UBE2D2: variants seen among roughly 807,000 people sequenced by gnomAD.
The protein encoded by UBE2D2 is ubiquitin conjugating enzyme E2 D2, also known as ubiquitin-conjugating enzyme E2 D2.
Under a neutral mutation model 24.2 loss-of-function variants are expected in UBE2D2, and 2 were observed. The observed-to-expected ratio is 0.08, with a 90% confidence interval of 0.03 to 0.26. The LOEUF (loss-of-function observed/expected upper bound fraction) is 0.26. Among genes scored for constraint, UBE2D2 ranks in the 10% least tolerant of loss-of-function variants. The pLI, the probability that UBE2D2 is intolerant of heterozygous loss-of-function variation, is 1.00. For synonymous variants in UBE2D2, 58 were observed against 56.5 expected (o/e 1.03, Z -0.12); for missense variants, 44 against 177.6 (o/e 0.25, Z 4.28).
chr5:139,621,311 A>G (rs1376238404), intron 5 of UBE2D2, among the ~76,000 whole-genome samples: 2 of 152,196 alleles, frequency 1.3e-5, no homozygotes, highest in African/African-American at 4.8e-5. Flanking sequence ...GAACAAAGGA[A>G]ATTACACTAT....
intron 5 of UBE2D2, 41 bp downstream of exon 5, chr5:139,615,007 CTT>C: frequency 6.6e-7 from 1 of 1,520,842 alleles, no homozygotes. Context: ...GCAACCGTGT[CTT>C]TTGTCTTTTT....
At chr5:139,578,121 A>G (rs1273100940) in intron 1 of UBE2D2, among the ~76,000 whole-genome samples, 1 of 152,136 alleles carries the variant, frequency 6.6e-6, no homozygotes, top group Non-Finnish European at 1.5e-5. Flanking sequence ...TTGTGGACAT[A>G]GAGTGGGTAG....
At chr5:139,565,980 A>T (rs867889319) in intron 1 of UBE2D2, among the ~76,000 whole-genome samples, 9 of 151,906 alleles carry the variant, frequency 5.9e-5, no homozygotes, top group African/African-American at 1.9e-4. Flanking sequence ...AAACAAAGTA[A>T]TGCCAGGATT....
At chr5:139,559,921 G>A (rs551633702), upstream of UBE2D2, among the ~76,000 whole-genome samples, 11 of 152,236 alleles carry the variant, frequency 7.2e-5, no homozygotes, top group African/African-American at 2.6e-4. Context: ...GCTGGGCACA[G>A]GGTAGGTGCT....
At chr5:139,593,909 C>T (rs768824876) in intron 1 of UBE2D2, among the ~76,000 whole-genome samples, 2 of 152,184 alleles carry the variant, frequency 1.3e-5, no homozygotes, top group Non-Finnish European at 2.9e-5. Context: ...AGCCACCGTG[C>T]CTAGCCCTGA....
chr5:139,570,551 G>A (rs565139428), intron 1 of UBE2D2, among the ~76,000 whole-genome samples: 7 of 151,924 alleles, frequency 4.6e-5, no homozygotes, highest in African/African-American at 7.3e-5. Context: ...TAGCTCTGAC[G>A]CCCAGGCTGG....
Position 139,614,789 on chromosome 5 carries a change from T to A in UBE2D2, c.198+15T>A. The A allele has an allele frequency of 6.2e-7, 1 of 1,613,410 alleles. No individual in the cohort carries two copies. Among genetic ancestry groups the A allele is most frequent in the Non-Finnish European group, 8.5e-7 (1 of 1,179,502 alleles). On this transcript the variant is annotated intron_variant, in intron 4 of 6. Transcript: ENST00000398733. Reference sequence around the variant, plus strand: ...AACCACCTAAGGTAATTAATTGGAATGTGGCAGTTTTTAATGTACTTTCTA... The same window carrying A: ...AACCACCTAAGGTAATTAATTGGAAAGTGGCAGTTTTTAATGTACTTTCTA...
chr5:139,577,561 A>T (rs762305761), intron 1 of UBE2D2, among the ~76,000 whole-genome samples: 1 of 151,848 alleles, frequency 6.6e-6, no homozygotes, highest in Non-Finnish European at 1.5e-5. Context: ...TTACAGGTGC[A>T]TGCCACCACG....
intron 5 of UBE2D2, among the ~76,000 whole-genome samples, chr5:139,619,042 G>C (rs1331749810): frequency 6.6e-6 from 1 of 152,146 alleles, no homozygotes; most frequent in Non-Finnish European, 1.5e-5. Context: ...AGATAAGTGT[G>C]CCATAAAGCC....
intron 1 of UBE2D2, among the ~76,000 whole-genome samples, chr5:139,574,068 G>A (rs1363930870): frequency 9.9e-5 from 15 of 151,022 alleles, no homozygotes; most frequent in Admixed American, 9.9e-4. Flanking sequence ...AATAAGCTTC[G>A]ATTAAATAAC....
At chr5:139,578,731 A>C (rs1173879803) in intron 1 of UBE2D2, among the ~76,000 whole-genome samples, 1 of 152,028 alleles carries the variant, frequency 6.6e-6, no homozygotes, top group African/African-American at 2.4e-5. Flanking sequence ...GGAATTACAG[A>C]CAGCCACCCC....
In UBE2D2 at chr5:139,563,219, A is replaced by G. The variant is rs1011730224; in HGVS notation, c.24+1404A>G. Among the ~76,000 whole-genome samples the G allele has an allele frequency of 5.9e-5, 9 of 152,206 alleles. No individual in the cohort carries two copies. In the East Asian group the frequency reaches 1.7e-3, roughly 29 times the overall value. On this transcript the variant is annotated intron_variant, in intron 1 of 6. Coordinates refer to ENST00000398733, the MANE Select transcript of UBE2D2 (RefSeq NM_003339.3). Reference sequence around the variant, plus strand: ...TACAGATTGATGATTTAAACACCTCAGCTCAGCGGTTGGTCCTCATTTCAT... The same window carrying G: ...TACAGATTGATGATTTAAACACCTCGGCTCAGCGGTTGGTCCTCATTTCAT...
At chr5:139,540,213 C>T (rs1008844418) in intron 1 of UBE2D2, among the ~76,000 whole-genome samples, 1 of 152,062 alleles carries the variant, frequency 6.6e-6, no homozygotes, top group African/African-American at 2.4e-5. Flanking sequence ...GCCACCACGC[C>T]GGGCTATACT....
chr5:139,606,212 A>G (rs984699332), intron 2 of UBE2D2, among the ~76,000 whole-genome samples: 1 of 152,020 alleles, frequency 6.6e-6, no homozygotes, highest in Non-Finnish European at 1.5e-5. Flanking sequence ...CCCGGGCTGG[A>G]GTGCAGTGGC....
chr5:139,602,151 A>C (rs1368681077), intron 2 of UBE2D2, among the ~76,000 whole-genome samples: 1 of 151,980 alleles, frequency 6.6e-6, no homozygotes, highest in Admixed American at 6.6e-5. Flanking sequence ...TCCTGGGTTC[A>C]TGCCATTCTC....
chr5:139,552,245 C>G (rs1407282921), intron 1 of UBE2D2, among the ~76,000 whole-genome samples: 1 of 151,922 alleles, frequency 6.6e-6, no homozygotes, highest in East Asian at 1.9e-4. Flanking sequence ...TCACTGCAGC[C>G]TCCCCTTCCT....
chr5:139,607,055 C>T (rs183291647), intron 2 of UBE2D2, among the ~76,000 whole-genome samples: 11 of 152,292 alleles, frequency 7.2e-5, no homozygotes, highest in African/African-American at 1.9e-4. Flanking sequence ...TGGTCTGCCC[C>T]GGCCTCCCAA....
At chr5:139,538,978 C>T (rs749272727) in intron 1 of UBE2D2, among the ~76,000 whole-genome samples, 16 of 152,022 alleles carry the variant, frequency 1.1e-4, no homozygotes, top group African/African-American at 2.9e-4. Context: ...CGAATGTTGA[C>T]GCACACAATT....
intron 2 of UBE2D2, among the ~76,000 whole-genome samples, chr5:139,601,530 C>T (rs1561516638): frequency 6.6e-6 from 1 of 152,158 alleles, no homozygotes; most frequent in Admixed American, 6.6e-5. Flanking sequence ...TTTGCTTTAG[C>T]CTGAGCCTGG....
Sources: allele counts gnomAD v4.1 joint callset (sites outside exome capture counted in the v4.1 genomes callset), GRCh38; gene constraint gnomAD v4.1.1; transcripts MANE v1.5; gene names NCBI Gene and HGNC (gene_info 2026-07-23, HGNC 2026-07-21).